STK33: variants seen among roughly 807,000 people sequenced by gnomAD.
STK33 encodes serine/threonine-protein kinase 33.
In STK33, 52 loss-of-function variants were observed where a neutral mutation model predicts 58.0. The observed-to-expected ratio is 0.90, with a 90% CI of 0.72 to 1.13. The LOEUF (loss-of-function observed/expected upper bound fraction) is 1.13, where lower values mean the gene tolerates loss of function less well. Among genes scored for constraint, STK33 ranks in the 50% most tolerant of loss-of-function variants. STK33 has a pLI of 0.00. For missense variants in STK33, 630 were observed against 604.2 expected, an observed-to-expected ratio of 1.04 and a Z score of -0.45; for synonymous variants, 215 against 200.1, an observed-to-expected ratio of 1.07 and a Z score of -0.63.
the STK33 span, among the ~76,000 whole-genome samples, chr11:8,366,968 GAGCACAC>G: frequency 1.3e-5 from 2 of 152,140 alleles, no homozygotes; most frequent in Non-Finnish European, 2.9e-5. Flanking sequence ...GTGTGTGTGT[GAGCACAC>G]ACATGTGTGC....
the STK33 span, among the ~76,000 whole-genome samples, chr11:8,386,171 G>A: frequency 6.6e-6 from 1 of 152,184 alleles, no homozygotes; most frequent in Non-Finnish European, 1.5e-5. Context: ...AAAAGATTTT[G>A]GTGGTAGTCA....
At chr11:8,434,728 G>C (rs1393359185) in intron 14 of STK33, among the ~76,000 whole-genome samples, 1 of 152,092 alleles carries the variant, frequency 6.6e-6, no homozygotes, top group Non-Finnish European at 1.5e-5. Flanking sequence ...GAAAGAGGAA[G>C]GACATGAGAA....
intron 4 of STK33, among the ~76,000 whole-genome samples, chr11:8,476,464 A>G (rs975463308): frequency 2.0e-5 from 3 of 152,184 alleles, no homozygotes; most frequent in South Asian, 2.1e-4. Context: ...CTCAGCTTTC[A>G]TATCTCCTTT....
At chr11:8,366,248 G>C in the STK33 span, among the ~76,000 whole-genome samples, 2 of 152,156 alleles carry the variant, frequency 1.3e-5, no homozygotes, top group African/African-American at 4.8e-5. Context: ...GGAGTTTGCT[G>C]GTCTGTCAGT....
chr11:8,416,677 G>A (rs909012085), intron 14 of STK33, among the ~76,000 whole-genome samples: 12 of 152,168 alleles, frequency 7.9e-5, no homozygotes, highest in Admixed American at 1.3e-4. Flanking sequence ...CAAGAGCTTG[G>A]TAGCTGAGAT....
At chr11:8,513,212 T>C (rs922537782) in intron 1 of STK33, among the ~76,000 whole-genome samples, 1 of 152,130 alleles carries the variant, frequency 6.6e-6, no homozygotes, top group Non-Finnish European at 1.5e-5. Flanking sequence ...ACAGCTTGCT[T>C]CTGCTCATCA....
the STK33 span, among the ~76,000 whole-genome samples, chr11:8,366,991 T>C: frequency 6.6e-6 from 1 of 152,224 alleles, no homozygotes; most frequent in Non-Finnish European, 1.5e-5. Flanking sequence ...TGTGCAAGTG[T>C]ATTTGTTATT....
intron 1 of STK33, among the ~76,000 whole-genome samples, chr11:8,520,087 A>T (rs914566154): frequency 6.6e-6 from 1 of 152,224 alleles, no homozygotes; most frequent in East Asian, 1.9e-4. Context: ...CGATGCTAAA[A>T]TCCTCAATAA....
chr11:8,538,760 T>C (rs1955258808), intron 1 of STK33, among the ~76,000 whole-genome samples: 1 of 152,188 alleles, frequency 6.6e-6, no homozygotes, highest in Non-Finnish European at 1.5e-5. Context: ...CACACACACA[T>C]ATGCATGTCT....
At chr11:8,568,106 A>G in intron 1 of STK33, among the ~76,000 whole-genome samples, 1 of 152,186 alleles carries the variant, frequency 6.6e-6, no homozygotes, top group East Asian at 1.9e-4. Context: ...GTACAAAATA[A>G]TTGCCATCCA....
At chr11:8,519,569 T>G (rs1953180778) in intron 1 of STK33, among the ~76,000 whole-genome samples, 1 of 151,826 alleles carries the variant, frequency 6.6e-6, no homozygotes, top group East Asian at 1.9e-4. Flanking sequence ...ATTTTGGAAA[T>G]GATAAACAAA....
At chr11:8,398,234 T>G (rs917731470) in intron 15 of STK33, among the ~76,000 whole-genome samples, 2 of 152,152 alleles carry the variant, frequency 1.3e-5, no homozygotes, top group African/African-American at 4.8e-5. Context: ...ACCCACAAGG[T>G]GAAGCCCATC....
chr11:8,354,071 T>C, the STK33 span, among the ~76,000 whole-genome samples: 1 of 152,158 alleles, frequency 6.6e-6, no homozygotes, highest in African/African-American at 2.4e-5. Flanking sequence ...CTGCTTGCTT[T>C]GCAGAGCCAC....
chr11:8,439,869 TTATATA>T (rs551629890), intron 12 of STK33, among the ~76,000 whole-genome samples: 5 of 107,258 alleles, frequency 4.7e-5, no homozygotes, highest in South Asian at 7.2e-4. Flanking sequence ...TATATTATAA[TTATATA>T]TATATATATA....
At chr11:8,337,898 G>C in the STK33 span, among the ~76,000 whole-genome samples, 1 of 152,058 alleles carries the variant, frequency 6.6e-6, no homozygotes, top group Non-Finnish European at 1.5e-5. Flanking sequence ...CAGCTTCTCA[G>C]GGAAACTTTC....
chr11:8,370,771 C>G, the STK33 span, among the ~76,000 whole-genome samples: 9 of 152,290 alleles, frequency 5.9e-5, no homozygotes, highest in Admixed American at 2.0e-4. Flanking sequence ...CCACCCAAGG[C>G]ACTGCCAACC....
At chr11:8,464,887 T>C (rs1027111293) in intron 6 of STK33, 65 bp from the exon 7 acceptor site, 3 of 1,027,816 alleles carry the variant, frequency 2.9e-6, no homozygotes, top group Non-Finnish European at 3.0e-6. Flanking sequence ...AATGAACATA[T>C]AATACTGACA....
At chr11:8,337,635 C>G in the STK33 span, among the ~76,000 whole-genome samples, 1 of 38,110 alleles carries the variant, frequency 2.6e-5, no homozygotes, top group African/African-American at 1.1e-4. Flanking sequence ...AGCTTGACGA[C>G]GGCGGGGGGC....
At chr11:8,356,741 G>A in the STK33 span, among the ~76,000 whole-genome samples, 7 of 152,166 alleles carry the variant, frequency 4.6e-5, no homozygotes, top group Non-Finnish European at 8.8e-5. Flanking sequence ...CCTCATCTCC[G>A]CTGGCTTTGG....
Sources: gnomAD v4.1 joint callset for allele counts (sites outside exome capture counted in the v4.1 genomes callset) on GRCh38, gnomAD v4.1.1 for gene constraint, MANE v1.5 for transcripts, NCBI Gene and HGNC (gene_info 2026-07-23, HGNC 2026-07-21) for gene names.